Variants in CHRM3 observed in about 807,000 individuals in gnomAD.
The protein encoded by CHRM3 is cholinergic receptor muscarinic 3.
A neutral mutation model predicts 41.8 loss-of-function variants in CHRM3; 11 were observed. That is an observed-to-expected ratio of 0.26 (90% CI 0.17 to 0.44). The LOEUF (loss-of-function observed/expected upper bound fraction) is 0.44. Ranked by LOEUF, CHRM3 falls within the 20% of genes least tolerant of loss-of-function variation. The pLI, the probability that CHRM3 is intolerant of heterozygous loss-of-function variation, is 1.00. For missense variants in CHRM3, 571 were observed against 745.4 expected (o/e 0.77, Z 2.72); for synonymous variants, 297 against 301.4 (o/e 0.99, Z 0.15).
At chr1:239,819,842 C>T (rs772831750) in intron 5 of CHRM3, among the ~76,000 whole-genome samples, 14 of 152,220 alleles carry the variant, frequency 9.2e-5, no homozygotes, top group South Asian at 6.2e-4. Context: ...CTGGTTTTCA[C>T]GGAAGAAGAG....
chr1:239,654,935 CTT>C (rs1362339907), intron 4 of CHRM3, among the ~76,000 whole-genome samples: 1 of 152,170 alleles, frequency 6.6e-6, no homozygotes, highest in Non-Finnish European at 1.5e-5. Flanking sequence ...TTCACACTGA[CTT>C]TTTCATGTCA....
At chr1:239,859,413 G>GTTTT (rs1331316835) in intron 6 of CHRM3, among the ~76,000 whole-genome samples, 29 of 113,246 alleles carry the variant, frequency 2.6e-4, no homozygotes, top group African/African-American at 3.3e-4. Context: ...TGTTGTTGTT[G>GTTTT]TTGTTGTTTT....
intron 5 of CHRM3, among the ~76,000 whole-genome samples, chr1:239,813,186 G>A (rs1020342393): frequency 6.6e-6 from 1 of 152,168 alleles, no homozygotes; most frequent in African/African-American, 2.4e-5. Context: ...GCTGAGGCAG[G>A]AGAATCGCTT....
At chr1:239,870,561 T>G (rs1676490090) in intron 6 of CHRM3, among the ~76,000 whole-genome samples, 1 of 152,144 alleles carries the variant, frequency 6.6e-6, no homozygotes, top group Non-Finnish European at 1.5e-5. Context: ...GCTTTGTGGG[T>G]TGGTTTTATT....
chr1:239,668,428 G>A (rs1348531480), intron 4 of CHRM3, among the ~76,000 whole-genome samples: 2 of 151,948 alleles, frequency 1.3e-5, no homozygotes, highest in Non-Finnish European at 2.9e-5. Flanking sequence ...CCCACTTCTC[G>A]AACCTCTTTT....
intron 1 of CHRM3, among the ~76,000 whole-genome samples, chr1:239,489,955 T>C (rs981909658): frequency 6.6e-6 from 1 of 152,158 alleles, no homozygotes; most frequent in African/African-American, 2.4e-5. Flanking sequence ...AGAGAGCAGA[T>C]GTTAACAATA....
At chr1:239,502,211 G>T (rs1668287679) in intron 2 of CHRM3, among the ~76,000 whole-genome samples, 1 of 152,036 alleles carries the variant, frequency 6.6e-6, no homozygotes, top group African/African-American at 2.4e-5. Flanking sequence ...AAACAAGAGG[G>T]AAAATCAAAA....
chr1:239,833,656 C>T (rs535258788), intron 6 of CHRM3, among the ~76,000 whole-genome samples: 14 of 152,254 alleles, frequency 9.2e-5, no homozygotes, highest in Admixed American at 2.0e-4. Flanking sequence ...AATACATCCC[C>T]GAGGAGGGGA....
chr1:239,873,402 G>C (rs1424372717), intron 6 of CHRM3, among the ~76,000 whole-genome samples: 1 of 151,916 alleles, frequency 6.6e-6, no homozygotes, highest in Non-Finnish European at 1.5e-5. Context: ...TGGAGAACGT[G>C]CAAGTTTTTA....
At chr1:239,792,570 C>A (rs1269907543) in intron 5 of CHRM3, among the ~76,000 whole-genome samples, 1 of 152,162 alleles carries the variant, frequency 6.6e-6, no homozygotes, top group Non-Finnish European at 1.5e-5. Context: ...TTTGAGAGTT[C>A]TTTCCCATCT....
intron 3 of CHRM3, among the ~76,000 whole-genome samples, chr1:239,603,465 C>A (rs567166007): frequency 1.6e-4 from 24 of 152,220 alleles, no homozygotes; most frequent in African/African-American, 5.5e-4. Flanking sequence ...ATTAGGGACT[C>A]CTCATCTACT....
chr1:239,858,536 AG>A (rs1675312373), intron 6 of CHRM3, among the ~76,000 whole-genome samples: 1 of 149,018 alleles, frequency 6.7e-6, no homozygotes, highest in Non-Finnish European at 1.5e-5. Flanking sequence ...AAAAAAAAAA[AG>A]AGAATAATTG....
In CHRM3 at chr1:239,819,901, C is replaced by T. The variant is rs534210057; in HGVS notation, c.-146-7351C>T. ...CGTACTTCCCTCCCCACAGCATTGC[C>T]CCACTCATTCCCTGACCATGATTTC... On this transcript the variant is annotated intron_variant, in intron 5 of 6. Coordinates refer to ENST00000676153, the MANE Select transcript of CHRM3 (RefSeq NM_001375978.1). 3.0e-4 allele frequency among the ~76,000 whole-genome samples: 46 copies of T among 152,250 alleles called. 1 individual carries two copies. Among genetic ancestry groups the T allele is most frequent in the African/African-American group, 1.1e-3 (45 of 41,564 alleles).
intron 5 of CHRM3, among the ~76,000 whole-genome samples, chr1:239,721,690 A>G (rs1662983465): frequency 6.6e-6 from 1 of 151,918 alleles, no homozygotes; most frequent in South Asian, 2.1e-4. Flanking sequence ...TACACAGAAA[A>G]TTCATCATGG....
chr1:239,874,287 A>ATATATATATATATATATATATATACACAG, intron 6 of CHRM3, among the ~76,000 whole-genome samples: 1 of 63,900 alleles, frequency 1.6e-5, no homozygotes, highest in African/African-American at 9.0e-5. Context: ...TATACACAGT[A>ATATATATATATATATATATATATACACAG]TATATATATA....
At chr1:239,638,687 C>T (rs979048530) in intron 4 of CHRM3, among the ~76,000 whole-genome samples, 6 of 152,018 alleles carry the variant, frequency 3.9e-5, no homozygotes, top group East Asian at 3.9e-4. Context: ...GAGTAGGTTG[C>T]GAAAATTTTC....
At chr1:239,504,896 C>T (rs1668466053) in intron 2 of CHRM3, among the ~76,000 whole-genome samples, 1 of 151,216 alleles carries the variant, frequency 6.6e-6, no homozygotes, top group African/African-American at 2.4e-5. Context: ...ATACAATGGA[C>T]TTTGGGGACT....
intron 1 of CHRM3, among the ~76,000 whole-genome samples, chr1:239,413,434 C>T (rs1046891597): frequency 6.6e-6 from 1 of 152,074 alleles, no homozygotes; most frequent in Non-Finnish European, 1.5e-5. Context: ...GGATTACAGG[C>T]ACCCGCCATT....
intron 5 of CHRM3, among the ~76,000 whole-genome samples, chr1:239,721,744 A>G (rs1052088740): frequency 8.6e-5 from 13 of 151,932 alleles, no homozygotes; most frequent in Admixed American, 6.6e-5. Flanking sequence ...AGAAGTACAA[A>G]AGAAGTCTTT....
Sources: allele counts gnomAD v4.1 joint callset (sites outside exome capture counted in the v4.1 genomes callset), GRCh38; gene constraint gnomAD v4.1.1; transcripts MANE v1.5; gene names NCBI Gene and HGNC (gene_info 2026-07-23, HGNC 2026-07-21).